Variants in NEDD4L observed in about 807,000 individuals in gnomAD.
NEDD4L encodes NEDD4 like E3 ubiquitin protein ligase, also known as E3 ubiquitin-protein ligase NEDD4-like.
A neutral mutation model predicts 148.9 loss-of-function variants in NEDD4L; 54 were observed. The ratio of observed to expected loss-of-function variants is 0.36; its 90% CI spans 0.29 to 0.45. The LOEUF is 0.45. NEDD4L is among the 20% of genes least tolerant of loss of function. The pLI is 1.00. For missense variants in NEDD4L, 856 were observed against 1,233.8 expected (o/e 0.69, Z 4.59); for synonymous variants, 433 against 440.7 (o/e 0.98, Z 0.22).
intron 8 of NEDD4L, among the ~76,000 whole-genome samples, chr18:58,324,642 T>C (rs1345573062): frequency 6.6e-6 from 1 of 152,208 alleles, no homozygotes; most frequent in Non-Finnish European, 1.5e-5. Context: ...TGTACAGCCT[T>C]GGAGGCCCTC....
intron 16 of NEDD4L, 101 bp from the exon 17 acceptor site, chr18:58,349,435 GC>G: frequency 1.1e-6 from 1 of 871,586 alleles, no homozygotes; most frequent in Non-Finnish European, 1.9e-6. Context: ...GGCATGGACA[GC>G]CTGGTTGCCT....
chr18:58,092,714 G>C (rs2145323636), intron 1 of NEDD4L, among the ~76,000 whole-genome samples: 1 of 151,628 alleles, frequency 6.6e-6, no homozygotes, highest in East Asian at 1.9e-4. Flanking sequence ...TCGTGTAAGA[G>C]CATGAAGGCA....
chr18:58,189,496 G>A lies in NEDD4L; in HGVS notation c.122+23635G>A, dbSNP rs369570796. Among the ~76,000 whole-genome samples, 247 of 152,248 alleles carry A rather than the reference G, an allele frequency of 1.6e-3. 1 individual carries two copies. The highest frequency in any genetic ancestry group is 2.7e-3 in the Non-Finnish European group (181 of 67,994). On this transcript the variant is annotated intron_variant, in intron 2 of 30. Coordinates refer to ENST00000400345, the MANE Select transcript of NEDD4L (RefSeq NM_001144967.3). ...ACAGCTAGACTGTTGTGAGTTTTGG[G>A]CTCTCTAGGGGGCTGTCCAAGTTCA...
intron 5 of NEDD4L, among the ~76,000 whole-genome samples, chr18:58,279,549 G>A (rs1312832893): frequency 2.0e-5 from 3 of 152,228 alleles, no homozygotes; most frequent in Non-Finnish European, 4.4e-5. Context: ...AGGAAAAGAA[G>A]TGCCACTGGG....
chr18:58,120,506 G>A (rs952167109), intron 1 of NEDD4L, among the ~76,000 whole-genome samples: 1 of 152,234 alleles, frequency 6.6e-6, no homozygotes, highest in African/African-American at 2.4e-5. Flanking sequence ...ACGGCCGGGC[G>A]TGGTGGCTCG....
chr18:58,262,448 G>A (rs1446227365), intron 5 of NEDD4L, among the ~76,000 whole-genome samples: 1 of 152,086 alleles, frequency 6.6e-6, no homozygotes, highest in African/African-American at 2.4e-5. Context: ...GAGCAACATG[G>A]CGAAGCCTCA....
chr18:58,231,256 AAAAAG>A (rs1462521695), intron 2 of NEDD4L, among the ~76,000 whole-genome samples: 4 of 127,836 alleles, frequency 3.1e-5, no homozygotes, highest in African/African-American at 1.3e-4. Context: ...AAAAAAAAAA[AAAAAG>A]AACAGAAAAG....
chr18:58,257,250 A>G (rs1040531912), intron 5 of NEDD4L, among the ~76,000 whole-genome samples: 1 of 152,156 alleles, frequency 6.6e-6, no homozygotes, highest in Non-Finnish European at 1.5e-5. Flanking sequence ...AATAGTTAAA[A>G]TAGGTGAACG....
chr18:58,384,161 A>C (rs1377591250), intron 25 of NEDD4L, among the ~76,000 whole-genome samples: 1 of 152,210 alleles, frequency 6.6e-6, no homozygotes, highest in African/African-American at 2.4e-5. Flanking sequence ...TCTTGAAATC[A>C]GACAGCTCTT....
chr18:58,220,792 A>G (rs936810576), intron 2 of NEDD4L, among the ~76,000 whole-genome samples: 5 of 152,216 alleles, frequency 3.3e-5, no homozygotes, highest in Admixed American at 1.3e-4. Flanking sequence ...GAGAAGTAGC[A>G]TAGTGCCCAT....
At chr18:58,147,286 G>C (rs1263765768) in intron 1 of NEDD4L, among the ~76,000 whole-genome samples, 1 of 152,114 alleles carries the variant, frequency 6.6e-6, no homozygotes, top group Non-Finnish European at 1.5e-5. Context: ...TTGTTGTGGG[G>C]GCTGTCCTGT....
At chr18:58,094,169 C>CTT (rs61501212) in intron 1 of NEDD4L, among the ~76,000 whole-genome samples, 6 of 146,484 alleles carry the variant, frequency 4.1e-5, no homozygotes, top group Non-Finnish European at 9.1e-5. Context: ...CCTGCACCCC[C>CTT]TTTTTTTTTT....
chr18:58,373,603 G>A (rs1003716855), intron 24 of NEDD4L, among the ~76,000 whole-genome samples: 9 of 152,208 alleles, frequency 5.9e-5, no homozygotes, highest in African/African-American at 1.4e-4. Context: ...TGTTGACTTA[G>A]CGATGTAAAT....
intron 1 of NEDD4L, among the ~76,000 whole-genome samples, chr18:58,065,273 A>T (rs7241969): frequency 0.31 from 47,623 of 152,064 alleles, 8,607 homozygotes; most frequent in African/African-American, 0.51. Context: ...TCACCATCAG[A>T]TGACCTTGCT....
intron 2 of NEDD4L, among the ~76,000 whole-genome samples, chr18:58,174,677 G>T (rs183844308): frequency 6.6e-6 from 1 of 152,160 alleles, no homozygotes; most frequent in East Asian, 1.9e-4. Context: ...GTGAGGCTAC[G>T]TGCGACTGGA....
intron 1 of NEDD4L, among the ~76,000 whole-genome samples, chr18:58,101,589 G>T (rs768361714): frequency 2.0e-5 from 3 of 152,112 alleles, no homozygotes; most frequent in Non-Finnish European, 4.4e-5. Flanking sequence ...ATTGCACTGG[G>T]CCTGCGAGCC....
At chr18:58,251,044 T>A (rs2047863905) in intron 4 of NEDD4L, among the ~76,000 whole-genome samples, 1 of 152,184 alleles carries the variant, frequency 6.6e-6, no homozygotes. Context: ...ACAGGCAGCA[T>A]AGACCTAGTG....
chr18:58,138,089 C>T (rs978650793), intron 1 of NEDD4L, among the ~76,000 whole-genome samples: 9 of 152,240 alleles, frequency 5.9e-5, no homozygotes, highest in Non-Finnish European at 8.8e-5. Flanking sequence ...ACTTCCTTCA[C>T]CTCTCTTGGA....
chr18:58,243,940 TG>T (rs2046943662), intron 2 of NEDD4L, among the ~76,000 whole-genome samples: 1 of 152,216 alleles, frequency 6.6e-6, no homozygotes, highest in Non-Finnish European at 1.5e-5. Context: ...ATACATCTTA[TG>T]GGTAATAAAT....
Sources: gnomAD v4.1 joint callset for allele counts (sites outside exome capture counted in the v4.1 genomes callset) on GRCh38, gnomAD v4.1.1 for gene constraint, MANE v1.5 for transcripts, NCBI Gene and HGNC (gene_info 2026-07-23, HGNC 2026-07-21) for gene names.